FLG: variants seen among roughly 807,000 people sequenced by gnomAD.
FLG encodes filaggrin.
In FLG, 6 loss-of-function variants were observed where a neutral mutation model predicts 3.8. That is an observed-to-expected ratio of 1.60 (90% CI 0.87 to 3.15). FLG has a LOEUF of 3.15. Among genes scored for constraint, FLG ranks in the 30% most tolerant of loss-of-function variants. FLG has a pLI of 0.00. For synonymous variants in FLG, 2,551 were observed against 1,931.6 expected (o/e 1.32, Z -8.41); for missense variants, 7,595 against 5,050.9 (o/e 1.50, Z -15.27).
chr1:152,318,751 G>A (rs1240858395), intron 1 of FLG, among the ~76,000 whole-genome samples: 2 of 151,870 alleles, frequency 1.3e-5, no homozygotes. Flanking sequence ...GTTAGGCACT[G>A]TTTCATGCTT....
rs770383477 is a variant in FLG, at chr1:152,311,088, C to T, written c.3798G>A (p.Gln1266=). The T allele has an allele frequency of 5.0e-6, 8 of 1,613,914 alleles. No individual in the cohort carries two copies. In the Admixed American group the frequency reaches 8.3e-5, roughly 17 times the overall value. ...QSSGSRTSRH[Q]GSSVSQDSDS... is the part of the protein sequence containing the mutation. The stretch of plus-strand genomic sequence containing the variant: ...CACTGTCCTGGCTAACACTGGATCC[C>T]TGGTGCCTGCTTGTCCTGGACCCCG... The change falls in exon 3 of 3, where the codon CAG becomes CAA. Residue 1266 remains glutamine, a synonymous_variant. Coordinates refer to ENST00000368799, the MANE Select transcript of FLG (RefSeq NM_002016.2).
chr1:152,307,763 A>G lies in FLG; in HGVS notation c.7123T>C (p.Ser2375Pro). ...GSQASDSEGH[S>P]EDSDTQSVSA... Reference sequence around the variant, plus strand: ...ACTGACTGTGTGTCTGAGTCTTCTGAATGTCCCTCACTGTCACTGGCCTGA... The same window carrying G: ...ACTGACTGTGTGTCTGAGTCTTCTGGATGTCCCTCACTGTCACTGGCCTGA... Residue 2375 changes from serine (S) to proline (P), a missense_variant, in exon 3 of 3, where the codon TCA becomes CCA. Transcript: ENST00000368799. 6.2e-7 allele frequency: 1 copy of G among 1,612,616 alleles called. No homozygotes were observed. The highest frequency in any genetic ancestry group is 1.1e-5 in the South Asian group (1 of 90,990).
Position 152,311,188 on chromosome 1 carries a change from G to C in FLG, c.3698C>G (p.Ser1233Ter). 1 of 1,613,846 alleles carries C rather than the reference G, an allele frequency of 6.2e-7. No individual in the cohort carries two copies. The highest frequency in any genetic ancestry group is 8.5e-7 in the Non-Finnish European group (1 of 1,179,994). Residue 1233 changes from serine (S) to a stop codon, truncating the protein, a stop_gained, in exon 3 of 3, where the codon TCA (serine) becomes TGA (stop). Transcript: ENST00000368799. LOFTEE classifies it low-confidence loss of function (END_TRUNC). The stretch of plus-strand genomic sequence containing the variant: ...GGCAGCTTCATGGTGACGTGACCCT[G>C]AGTGCCTGGAGCCGTCTCCTGATTG... The part of the protein sequence containing the change: ...DKQSGDGSRH[S>*]GSRHHEAASW...
At position 152,308,921 on chromosome 1, in the gene FLG, G is replaced by T. The variant is rs982240165; in HGVS notation, c.5965C>A (p.Gln1989Lys). ...GCCTGTTCATGGGATGACGCAGCCT[G>T]TCCACGAGAGGAAGACTCTGTGTGA... ...TRHTESSSRGQAASSHEQARS... is the reference protein window; with the variant it reads ...TRHTESSSRGKAASSHEQARS... The change falls in exon 3 of 3, where the codon CAG becomes AAG. Residue 1989 changes from glutamine (Q) to lysine (K), a missense_variant. Transcript: ENST00000368799. 1.2e-6 allele frequency: 2 copies of T among 1,614,154 alleles called. No individual in the cohort carries two copies. Among genetic ancestry groups the T allele is most frequent in the South Asian group, 1.1e-5 (1 of 91,072 alleles).
At position 152,305,154 on chromosome 1, in the gene FLG, C is replaced by G. The variant is rs778326283; in HGVS notation, c.9732G>C (p.Gln3244His). 3.7e-6 allele frequency: 6 copies of G among 1,613,898 alleles called. No individual in the cohort carries two copies. In the South Asian group the frequency reaches 6.6e-5, roughly 18 times the overall value. Residue 3244 changes from glutamine to histidine, a missense_variant, in exon 3 of 3, where the codon CAG (glutamine) becomes CAC (histidine). Transcript: ENST00000368799. ...GTCTGGAGCCGTGCCTTGACTGCTC[C>G]TGAACAGATCCACGATGGTTTCTGG... is the stretch of plus-strand genomic sequence containing the variant. ...SASRNHRGSV[Q>H]EQSRHGSRHP...
Position 152,308,553 on chromosome 1 carries a change from A to C in FLG, c.6333T>G (p.Thr2111=). 6.2e-7 allele frequency: 1 copy of C among 1,613,928 alleles called. No individual in the cohort carries two copies. Among genetic ancestry groups the C allele is most frequent in the East Asian group, 2.2e-5 (1 of 44,878 alleles). The change falls in exon 3 of 3, where the codon ACT becomes ACG. Residue 2111 remains threonine, a synonymous_variant. Coordinates refer to ENST00000368799, the MANE Select transcript of FLG (RefSeq NM_002016.2). ...ESTHGQSAPS[T]GGRQGSHYDQ... is the part of the protein sequence containing the mutation. Reference sequence around the variant, plus strand: ...CATAATGGGATCCTTGTCTTCCTCCAGTGCTGGGCGCAGACTGTCCATGGG... The same window carrying C: ...CATAATGGGATCCTTGTCTTCCTCCCGTGCTGGGCGCAGACTGTCCATGGG...
Position 152,307,637 on chromosome 1 carries a change from G to T in FLG, c.7249C>A (p.Gln2417Lys). The T allele has an allele frequency of 6.2e-7, 1 of 1,613,550 alleles. No homozygotes were observed. Among genetic ancestry groups the T allele is most frequent in the Non-Finnish European group, 8.5e-7 (1 of 1,179,880 alleles). ...TCAGACTGTTCATGAGTGCTCACCT[G>T]GTAGAGGAAAGACCCTGAACGTCCA... ...RSGRSGSFLY[Q>K]VSTHEQSESA... Residue 2417 changes from glutamine (Q) to lysine (K), a missense_variant, in exon 3 of 3, where the codon CAG becomes AAG. By Grantham distance (53) the Gln-to-Lys change is moderately conservative (BLOSUM62 1). Transcript: ENST00000368799.
chr1:152,316,183 T>G (rs534638251), intron 1 of FLG, among the ~76,000 whole-genome samples: 1 of 152,256 alleles, frequency 6.6e-6, no homozygotes, highest in African/African-American at 2.4e-5. Context: ...CAAAACCAGG[T>G]GAAACTAAAA....
intron 1 of FLG, among the ~76,000 whole-genome samples, chr1:152,320,270 A>C (rs1652915280): frequency 1.3e-5 from 2 of 151,220 alleles, no homozygotes; most frequent in South Asian, 4.1e-4. Context: ...ATGTAAACCA[A>C]ATAGTTCCAT....
In FLG at chr1:152,310,134, G is replaced by T. The variant is rs764412937; in HGVS notation, c.4752C>A (p.Ser1584=). 51 of 1,613,930 alleles carry T rather than the reference G, an allele frequency of 3.2e-5. No homozygotes were observed. Among genetic ancestry groups the T allele is most frequent in the Non-Finnish European group, 3.6e-5 (42 of 1,179,988 alleles). ...TGGATCCCTGGCGCCTGCTTGTCTTGGACCCCGCTGATTCTCCCTGGCCCA... is the reference window on the plus strand; with the variant it reads ...TGGATCCCTGGCGCCTGCTTGTCTTTGACCCCGCTGATTCTCCCTGGCCCA... ...SQVGQGESAG[S]KTSRRQGSSV... is the part of the protein sequence containing the mutation. The change falls in exon 3 of 3, where the codon TCC becomes TCA. Residue 1584 remains serine, a synonymous_variant. Transcript: ENST00000368799.
Position 152,313,275 on chromosome 1 carries a change from AT to A in FLG, c.1610del (p.Asn537IlefsTer261), listed in dbSNP as rs1355467818. ...GATGGGAACCTGAGTGTCCAGACCT[AT>A]TTACCGATTGCTCGTGGTGGGATCC... ...RQGSHHEQSV[N>X]RSGHSGSHHS... is the part of the protein sequence containing the mutation. On this transcript the variant is annotated frameshift_variant, in exon 3 of 3. Transcript: ENST00000368799. LOFTEE classifies it low-confidence loss of function (END_TRUNC). 22 of 1,613,382 alleles carry A rather than the reference AT, an allele frequency of 1.4e-5. No individual in the cohort carries two copies. Among genetic ancestry groups the A allele is most frequent in the Non-Finnish European group, 1.9e-5 (22 of 1,179,968 alleles).
chr1:152,305,440 G>A lies in FLG; in HGVS notation c.9446C>T (p.Ser3149Phe). ...TCCTGACTGCCCACGGGAGGCATCA[G>A]ACCTTCCCTGGGATGTGGTGTGGCT... ...HHSHTTSQGR[S>F]DASRGQSGSR... The change falls in exon 3 of 3, where the codon TCT becomes TTT. Residue 3149 changes from serine to phenylalanine, a missense_variant. Transcript: ENST00000368799. 6.3e-7 allele frequency: 1 copy of A among 1,596,398 alleles called. No homozygotes were observed. Among genetic ancestry groups the A allele is most frequent in the Non-Finnish European group, 8.5e-7 (1 of 1,175,630 alleles).
chr1:152,312,004 C>T lies in FLG; in HGVS notation c.2882G>A (p.Arg961Lys), dbSNP rs1652466544. Residue 961 changes from arginine to lysine, a missense_variant, in exon 3 of 3, where the codon AGG (arginine) becomes AAG (lysine). Coordinates refer to ENST00000368799, the MANE Select transcript of FLG (RefSeq NM_002016.2). ...DSEGHSEDSE[R>K]WSGSASRNHR... is the part of the protein sequence containing the mutation. ...GTTTCTGGAAGCAGACCCAGACCACCTCTCAGAGTCTTCTGAATGTCCCTC... is the reference window on the plus strand; with the variant it reads ...GTTTCTGGAAGCAGACCCAGACCACTTCTCAGAGTCTTCTGAATGTCCCTC... 3 of 1,613,960 alleles carry T rather than the reference C, an allele frequency of 1.9e-6. No individual in the cohort carries two copies. Among genetic ancestry groups the T allele is most frequent in the Non-Finnish European group, 1.7e-6 (2 of 1,180,020 alleles).
chr1:152,304,756 C>G lies in FLG; in HGVS notation c.10130G>C (p.Gly3377Ala), dbSNP rs773853684. Residue 3377 changes from glycine to alanine, a missense_variant, in exon 3 of 3, where the codon GGG becomes GCG. Transcript: ENST00000368799. ...AGACCCTGAACGTCCAGACCTTCCC[C>G]CTGACCGGTCACGTGCGGACTCTTG... is the stretch of plus-strand genomic sequence containing the variant. ...SHQESARDRSGGRSGRSGSFL... is the reference protein window; with the variant it reads ...SHQESARDRSAGRSGRSGSFL... 15 of 1,613,418 alleles carry G rather than the reference C, an allele frequency of 9.3e-6. No individual in the cohort carries two copies. Among genetic ancestry groups the G allele is most frequent in the South Asian group, 6.6e-5 (6 of 90,958 alleles).
chr1:152,319,944 A>G (rs1232292990), intron 1 of FLG, among the ~76,000 whole-genome samples: 1 of 151,376 alleles, frequency 6.6e-6, no homozygotes, highest in Non-Finnish European at 1.5e-5. Context: ...TTCAGGATTT[A>G]AGATAAATAG....
Position 152,309,700 on chromosome 1 carries a change from G to A in FLG, c.5186C>T (p.Ser1729Leu). The part of the protein sequence containing the change: ...ASDSEGHSEE[S>L]DTQSVSAHGQ... ...GTGGGCTGACACTGACTGTGTGTCTGACTCTTCTGAGTGTCCCTCGCTGTC... is the reference window on the plus strand; with the variant it reads ...GTGGGCTGACACTGACTGTGTGTCTAACTCTTCTGAGTGTCCCTCGCTGTC... Residue 1729 changes from serine (S) to leucine (L), a missense_variant, in exon 3 of 3, where the codon TCA (serine) becomes TTA (leucine). Ser to Leu is a moderately radical substitution (Grantham distance 145). Coordinates refer to ENST00000368799, the MANE Select transcript of FLG (RefSeq NM_002016.2). The A allele has an allele frequency of 6.2e-7, 1 of 1,614,004 alleles. No homozygotes were observed. Among genetic ancestry groups the A allele is most frequent in the South Asian group, 1.1e-5 (1 of 91,058 alleles).
At position 152,307,363 on chromosome 1, in the gene FLG, G is replaced by T. The variant is rs764377850; in HGVS notation, c.7523C>A (p.Ser2508Ter). 4.3e-6 allele frequency: 7 copies of T among 1,612,894 alleles called. No homozygotes were observed. In the African/African-American group the frequency reaches 6.7e-5, roughly 15 times the overall value. ...QGRSDASHGH[S>*]GSRSASRQTR... ...TTGTCTGCTTGCACTTCTGGATCCT[G>T]AGTGCCCATGGGAGGCATCAGACCT... Residue 2508 changes from serine (S) to a stop codon, truncating the protein, a stop_gained, in exon 3 of 3, where the codon TCA (serine) becomes TAA (stop). Coordinates refer to ENST00000368799, the MANE Select transcript of FLG (RefSeq NM_002016.2). LOFTEE classifies it low-confidence loss of function (END_TRUNC).
At position 152,310,692 on chromosome 1, in the gene FLG, A is replaced by T; in HGVS notation, c.4194T>A (p.Ser1398Arg). ...TGTCTGAGTCTTCTGAATGTCCCTC[A>T]CTGTTAGTGACCTGACTACCACTGG... Reference protein sequence around the residue: ...RGSSGSQVTNSEGHSEDSDTQ... With the variant: ...RGSSGSQVTNREGHSEDSDTQ... The change falls in exon 3 of 3, where the codon AGT (serine) becomes AGA (arginine). Residue 1398 changes from serine (S) to arginine (R), a missense_variant. Physicochemically the swap from Ser to Arg is moderately radical, Grantham distance 110 (BLOSUM62 -1). Transcript: ENST00000368799. 6.2e-7 allele frequency: 1 copy of T among 1,613,298 alleles called. No individual in the cohort carries two copies. Among genetic ancestry groups the T allele is most frequent in the Admixed American group, 1.7e-5 (1 of 59,966 alleles).
rs3126079 is a variant in FLG, at chr1:152,309,003, G to A, written c.5883C>T (p.His1961=). The change falls in exon 3 of 3, where the codon CAC becomes CAT. Residue 1961 remains histidine, a synonymous_variant. Coordinates refer to ENST00000368799, the MANE Select transcript of FLG (RefSeq NM_002016.2). ...AGTGCCCGTGACCGGCTCTGTCTTCGTGATGGGACCCAGGGTGTCTGGAGC... is the reference window on the plus strand; with the variant it reads ...AGTGCCCGTGACCGGCTCTGTCTTCATGATGGGACCCAGGGTGTCTGGAGC... ...RDGSRHPGSH[H]EDRAGHGHSA... 1.6e-3 allele frequency: 2,660 copies of A among 1,613,780 alleles called. 57 individuals are homozygous for A. In the South Asian group the frequency reaches 0.026, roughly 16 times the overall value.
Sources: allele counts gnomAD v4.1 joint callset (sites outside exome capture counted in the v4.1 genomes callset), GRCh38; gene constraint gnomAD v4.1.1; transcripts MANE v1.5; gene names NCBI Gene and HGNC (gene_info 2026-07-23, HGNC 2026-07-21).